Variants in TEX11 observed in about 807,000 individuals in gnomAD.
The protein encoded by TEX11 is testis expressed 11, also known as testis-expressed protein 11.
Under a neutral mutation model 84.4 loss-of-function variants are expected in TEX11, and 7 were observed. That is an observed-to-expected ratio of 0.08 (90% CI 0.05 to 0.16). The LOEUF (loss-of-function observed/expected upper bound fraction) is 0.16, where lower values mean the gene tolerates loss of function less well. Ranked by LOEUF, TEX11 falls within the 10% of genes least tolerant of loss-of-function variation. The pLI is 1.00. For missense variants in TEX11, 551 were observed against 660.5 expected (o/e 0.83, Z 1.82); for synonymous variants, 264 against 222.8 (o/e 1.18, Z -1.64).
intron 16 of TEX11, among the ~76,000 whole-genome samples, chrX:70,660,306 C>T (rs902822956): frequency 1.8e-5 from 2 of 111,546 alleles, no homozygotes; most frequent in African/African-American, 6.5e-5. Flanking sequence ...TTTCTTTCTT[C>T]AATAATGGAG....
rs769718746 is a variant in TEX11 at position 70,678,840 on chromosome X, G to C, written c.1206C>G (p.His402Gln). 1.9e-5 allele frequency: 23 copies of C among 1,201,660 alleles called. No homozygotes were observed. The highest frequency in any genetic ancestry group is 2.4e-5 in the Non-Finnish European group (21 of 891,884). Residue 402 changes from histidine to glutamine, a missense_variant, in exon 15 of 30, where the codon CAC becomes CAG. Transcript: ENST00000374333. Reference sequence around the variant, plus strand: ...TGGCAGCTTGTCTCCACAGAATGTTGTGTAACCAGTTCATTGATTCTGCTG... The same window carrying C: ...TGGCAGCTTGTCTCCACAGAATGTTCTGTAACCAGTTCATTGATTCTGCTG... ...QLTAESMNWL[H>Q]NILWRQAASS...
chrX:70,536,982 A>T (rs2147931077), intron 28 of TEX11, among the ~76,000 whole-genome samples: 1 of 112,126 alleles, frequency 8.9e-6, no homozygotes, highest in East Asian at 2.8e-4. Flanking sequence ...GCAGAATGGA[A>T]CCATCTGTAG....
intron 3 of TEX11, among the ~76,000 whole-genome samples, chrX:70,873,509 T>G (rs143861163): frequency 1.8e-5 from 2 of 111,719 alleles, no homozygotes; most frequent in Admixed American, 1.9e-4. Flanking sequence ...ACTTGTTCAT[T>G]CCTATCAATG....
chrX:70,577,991 G>A (rs112485036), intron 25 of TEX11, among the ~76,000 whole-genome samples: 2 of 111,310 alleles, frequency 1.8e-5, no homozygotes, highest in East Asian at 2.8e-4. Flanking sequence ...GCCTCCCAAA[G>A]TGCTGGGATT....
intron 11 of TEX11, among the ~76,000 whole-genome samples, chrX:70,739,216 A>G (rs2147743489): frequency 9.0e-6 from 1 of 111,326 alleles, no homozygotes; most frequent in East Asian, 2.8e-4. Flanking sequence ...CCCCATCCAC[A>G]TAACATAAAT....
chrX:70,743,790 C>T (rs1487081307), intron 10 of TEX11, among the ~76,000 whole-genome samples: 1 of 107,660 alleles, frequency 9.3e-6, no homozygotes, highest in Non-Finnish European at 1.9e-5. Flanking sequence ...GCACCAGAAT[C>T]GCTTGAACCT....
At chrX:70,661,745 C>T (rs184570621) in intron 16 of TEX11, among the ~76,000 whole-genome samples, 89 of 111,742 alleles carry the variant, frequency 8.0e-4, no homozygotes, top group African/African-American at 2.8e-3. Flanking sequence ...CGCTCTGATA[C>T]CCAGGCAAAC....
chrX:70,749,555 G>T (rs1202909633), intron 9 of TEX11, among the ~76,000 whole-genome samples: 1 of 104,312 alleles, frequency 9.6e-6, no homozygotes, highest in Non-Finnish European at 2.0e-5. Flanking sequence ...ATTGGCTGTG[G>T]GTTTGTCATA....
chrX:70,771,911 C>T (rs1195509605), intron 9 of TEX11, among the ~76,000 whole-genome samples: 1 of 111,620 alleles, frequency 9.0e-6, no homozygotes, highest in Non-Finnish European at 1.9e-5. Flanking sequence ...AGTTATGGAC[C>T]CACCCCCATA....
At chrX:70,894,600 T>C (rs1198628002) in intron 2 of TEX11, among the ~76,000 whole-genome samples, 5 of 106,982 alleles carry the variant, frequency 4.7e-5, no homozygotes, top group Non-Finnish European at 9.6e-5. Flanking sequence ...CCCTCTAGCC[T>C]GGCGACAGAG....
intron 25 of TEX11, among the ~76,000 whole-genome samples, chrX:70,569,834 G>C (rs1481783914): frequency 2.7e-5 from 3 of 111,912 alleles, no homozygotes; most frequent in Non-Finnish European, 5.6e-5. Flanking sequence ...GTGCCTCCCA[G>C]TTAGGCTGCT....
intron 9 of TEX11, among the ~76,000 whole-genome samples, chrX:70,753,018 G>A (rs901631687): frequency 9.1e-6 from 1 of 110,273 alleles, no homozygotes; most frequent in Non-Finnish European, 1.9e-5. Flanking sequence ...AAACCAGCCC[G>A]AGTCAGAATG....
At chrX:70,640,947 A>G (rs2089648659) in intron 17 of TEX11, among the ~76,000 whole-genome samples, 1 of 111,004 alleles carries the variant, frequency 9.0e-6, no homozygotes, top group South Asian at 4.0e-4. Flanking sequence ...AATGGACTAA[A>G]TGCTCCAATT....
chrX:70,554,670 T>C lies in TEX11; in HGVS notation c.2271A>G (p.Lys757=). The C allele has an allele frequency of 8.3e-7, 1 of 1,201,493 alleles. No homozygotes were observed. The highest frequency in any genetic ancestry group is 1.1e-6 in the Non-Finnish European group (1 of 891,435). The change falls in exon 26 of 30, where the codon AAA becomes AAG. Residue 757 remains lysine (K), a synonymous_variant. Coordinates refer to ENST00000374333, the MANE Select transcript of TEX11 (RefSeq NM_031276.3). Reference sequence around the variant, plus strand: ...TCTTACTTGCAATTGTTTCAAAAGTTTTAGTTTCTAAATGAGGCAACTCCC... The same window carrying C: ...TCTTACTTGCAATTGTTTCAAAAGTCTTAGTTTCTAAATGAGGCAACTCCC... ...SVWELPHLET[K]TFETIAIIAM...
At chrX:70,749,095 A>C (rs1277819757) in intron 9 of TEX11, among the ~76,000 whole-genome samples, 20 of 104,136 alleles carry the variant, frequency 1.9e-4, no homozygotes, top group East Asian at 3.1e-4. Flanking sequence ...CTTTTATTTC[A>C]TTGAGCAGTG....
intron 28 of TEX11, among the ~76,000 whole-genome samples, chrX:70,551,346 TCAA>T (rs1042404974): frequency 9.0e-6 from 1 of 111,220 alleles, no homozygotes; most frequent in African/African-American, 3.3e-5. Flanking sequence ...GTGATTATAA[TCAA>T]CAATAATTTA....
At chrX:70,591,877 G>A in intron 24 of TEX11, 54 bp from the exon 25 acceptor site, 1 of 878,147 alleles carries the variant, frequency 1.1e-6, no homozygotes, top group South Asian at 2.5e-5. Context: ...AGAACTTTAA[G>A]CAAATTAATA....
At chrX:70,713,909 G>C (rs1441007142) in intron 13 of TEX11, among the ~76,000 whole-genome samples, 1 of 111,558 alleles carries the variant, frequency 9.0e-6, no homozygotes, top group African/African-American at 3.3e-5. Flanking sequence ...GATCTTTCCT[G>C]CTTTCTCTTG....
intron 2 of TEX11, among the ~76,000 whole-genome samples, chrX:70,900,519 A>G (rs2091797640): frequency 9.0e-6 from 1 of 111,155 alleles, no homozygotes. Flanking sequence ...AAAAAAGAGG[A>G]AAAACTCCGA....
Sources: allele counts gnomAD v4.1 joint callset (sites outside exome capture counted in the v4.1 genomes callset), GRCh38; gene constraint gnomAD v4.1.1; transcripts MANE v1.5; gene names NCBI Gene and HGNC (gene_info 2026-07-23, HGNC 2026-07-21).